DGLUCY: variants seen among roughly 807,000 people sequenced by gnomAD.
DGLUCY encodes the protein D-glutamate cyclase.
In DGLUCY, 58 loss-of-function variants were observed where a neutral mutation model predicts 58.5. That is an observed-to-expected ratio of 0.99 (90% CI 0.80 to 1.23). The LOEUF is 1.23. Among genes scored for constraint, DGLUCY ranks in the 50% most tolerant of loss-of-function variants. DGLUCY has a pLI of 0.00. For missense variants in DGLUCY, 779 were observed against 784.7 expected, an observed-to-expected ratio of 0.99 and a Z score of 0.09; for synonymous variants, 325 against 314.1, an observed-to-expected ratio of 1.03 and a Z score of -0.37.
At chr14:91,116,957 A>G (rs1378604577) in intron 1 of DGLUCY, among the ~76,000 whole-genome samples, 1 of 142,936 alleles carries the variant, frequency 7.0e-6, no homozygotes, top group East Asian at 2.1e-4. Flanking sequence ...AAAAAAAAAG[A>G]ACGGCTACTC....
intron 1 of DGLUCY, among the ~76,000 whole-genome samples, chr14:91,154,186 G>A (rs909077503): frequency 3.9e-5 from 6 of 152,184 alleles, no homozygotes; most frequent in African/African-American, 1.4e-4. Flanking sequence ...GATTACAGGC[G>A]TGAACCACCA....
chr14:91,074,608 C>A (rs1192519140), intron 1 of DGLUCY, among the ~76,000 whole-genome samples: 1 of 152,118 alleles, frequency 6.6e-6, no homozygotes, highest in Non-Finnish European at 1.5e-5. Flanking sequence ...CTATTCTTAA[C>A]CATAATTAAG....
chr14:91,130,133 T>G (rs1370695529), intron 1 of DGLUCY, among the ~76,000 whole-genome samples: 3 of 152,250 alleles, frequency 2.0e-5, no homozygotes, highest in African/African-American at 7.2e-5. Context: ...TTTTTTTCCC[T>G]AAAGTGGTTT....
chr14:91,224,541 A>T, intron 13 of DGLUCY, 143 bp from the exon 14 acceptor site: 1 of 701,386 alleles, frequency 1.4e-6, no homozygotes, highest in Non-Finnish European at 2.2e-6. Context: ...TTCCAATGGT[A>T]TTAGTACTTT....
upstream of DGLUCY, among the ~76,000 whole-genome samples, chr14:91,104,462 GC>G (rs2044553425): frequency 1.3e-5 from 2 of 152,174 alleles, no homozygotes; most frequent in South Asian, 4.1e-4. Flanking sequence ...GCATAGGACA[GC>G]CCCCCACAAC....
chr14:91,147,221 T>C (rs557990200), intron 1 of DGLUCY, among the ~76,000 whole-genome samples: 20 of 152,340 alleles, frequency 1.3e-4, no homozygotes, highest in African/African-American at 3.4e-4. Context: ...TGCGTGGTCC[T>C]CATCCTGCCT....
chr14:91,165,983 A>G (rs941661725), intron 3 of DGLUCY, among the ~76,000 whole-genome samples: 7 of 152,260 alleles, frequency 4.6e-5, no homozygotes, highest in African/African-American at 1.7e-4. Context: ...TCCTCATTGC[A>G]TGAATATACT....
At chr14:91,126,238 C>A (rs2045673448) in intron 1 of DGLUCY, among the ~76,000 whole-genome samples, 1 of 152,170 alleles carries the variant, frequency 6.6e-6, no homozygotes, top group Non-Finnish European at 1.5e-5. Context: ...ATTAGGGGGA[C>A]TATATTCCCT....
chr14:91,101,948 C>T (rs1433128430), intron 1 of DGLUCY, among the ~76,000 whole-genome samples: 1 of 152,120 alleles, frequency 6.6e-6, no homozygotes, highest in East Asian at 1.9e-4. Context: ...CCACCTTGGC[C>T]TCCCAAAGTG....
chr14:91,215,793 G>C, intron 13 of DGLUCY: 1 of 1,347,352 alleles, frequency 7.4e-7, no homozygotes. Context: ...TTTGACTTTG[G>C]GTGAGTTGCT....
At chr14:91,142,136 G>A (rs897360995) in intron 1 of DGLUCY, among the ~76,000 whole-genome samples, 3 of 152,186 alleles carry the variant, frequency 2.0e-5, no homozygotes, top group Non-Finnish European at 2.9e-5. Flanking sequence ...GTGAGCCATC[G>A]TGCCCGGCCA....
At chr14:91,201,630 G>A (rs2050567903) in intron 11 of DGLUCY, among the ~76,000 whole-genome samples, 1 of 152,032 alleles carries the variant, frequency 6.6e-6, no homozygotes, top group African/African-American at 2.4e-5. Context: ...TTTTGGTAGA[G>A]ATGAGGTCTC....
In DGLUCY at chr14:91,208,530, C is replaced by G. The variant is rs138189992; in HGVS notation, c.1564+3705C>G. ...TTGGGAGGCCGAGGCGGGCAGATCA[C>G]TTGAGCCTAGGAATTTGATACCAGC... On this transcript the variant is annotated intron_variant, in intron 12 of 13. Transcript: ENST00000256324. Among the ~76,000 whole-genome samples the G allele has an allele frequency of 4.0e-3, 610 of 152,210 alleles. 4 individuals are homozygous for G. The highest frequency in any genetic ancestry group is 0.014 in the African/African-American group (575 of 41,522).
At chr14:91,102,547 G>A (rs1471446051) in intron 1 of DGLUCY, among the ~76,000 whole-genome samples, 3 of 152,172 alleles carry the variant, frequency 2.0e-5, no homozygotes, top group African/African-American at 7.2e-5. Flanking sequence ...AGAGGCAGAT[G>A]TGAATGGCAG....
intron 1 of DGLUCY, among the ~76,000 whole-genome samples, chr14:91,115,403 T>C (rs2044865598): frequency 6.6e-6 from 1 of 152,030 alleles, no homozygotes; most frequent in East Asian, 1.9e-4. Flanking sequence ...GGCTTGTACA[T>C]AATTATGAGG....
chr14:91,153,940 C>G (rs542539397), intron 1 of DGLUCY, among the ~76,000 whole-genome samples: 2 of 152,286 alleles, frequency 1.3e-5, no homozygotes, highest in Admixed American at 1.3e-4. Flanking sequence ...GGGTCTCACT[C>G]TGTCACCCAG....
At chr14:91,064,622 C>CAAAAAAA (rs35830145) in intron 1 of DGLUCY, among the ~76,000 whole-genome samples, 12 of 57,578 alleles carry the variant, frequency 2.1e-4, no homozygotes, top group Non-Finnish European at 2.8e-4. Flanking sequence ...GACTCTGTCT[C>CAAAAAAA]AAAAAAAAAA....
intron 7 of DGLUCY, among the ~76,000 whole-genome samples, chr14:91,177,430 A>T (rs1228187952): frequency 6.6e-6 from 1 of 152,228 alleles, no homozygotes; most frequent in Non-Finnish European, 1.5e-5. Context: ...TGAAGCCAAG[A>T]AATATAACTA....
chr14:91,224,940 G>A lies in DGLUCY; in HGVS notation c.*107G>A. ...TCCTGCTAGTAAACACTGGTCTTCG[G>A]TGAGCAACGAACACTCGCCTGGCCT... On this transcript the variant is annotated 3_prime_UTR_variant, in exon 14 of 14. Coordinates refer to ENST00000256324, the MANE Select transcript of DGLUCY (RefSeq NM_001102368.3). 1 of 1,301,976 alleles carries A rather than the reference G, an allele frequency of 7.7e-7. No individual in the cohort carries two copies. The highest frequency in any genetic ancestry group is 1.5e-5 in the African/African-American group (1 of 67,324). 80.7% of individuals were successfully genotyped at this position (1,301,976 alleles called of 1,614,324 possible). A position where few individuals can be genotyped will look rare whatever the true frequency, so the allele number is the denominator to read the frequency against.
Sources: allele counts gnomAD v4.1 joint callset (sites outside exome capture counted in the v4.1 genomes callset), GRCh38; gene constraint gnomAD v4.1.1; transcripts MANE v1.5; gene names NCBI Gene and HGNC (gene_info 2026-07-23, HGNC 2026-07-21).